The following TMEM223 variants were observed in gnomAD, a reference collection of about 807,000 sequenced individuals.
TMEM223 encodes transmembrane protein 223.
In TMEM223, 14 loss-of-function variants were observed where a neutral mutation model predicts 14.1. The ratio of observed to expected loss-of-function variants is 0.99; its 90% CI spans 0.66 to 1.55. TMEM223 has a LOEUF of 1.55. Ranked by LOEUF, TMEM223 falls within the 40% of genes most tolerant of loss-of-function variation. TMEM223 has a pLI of 0.00. For synonymous variants in TMEM223, 145 were observed against 120.5 expected, an observed-to-expected ratio of 1.20 and a Z score of -1.33; for missense variants, 346 against 269.9, an observed-to-expected ratio of 1.28 and a Z score of -1.97.
chr11:62,791,266 T>A (rs1234377115), intron 1 of TMEM223, among the ~76,000 whole-genome samples: 1 of 151,954 alleles, frequency 6.6e-6, no homozygotes, highest in South Asian at 2.1e-4. Flanking sequence ...TTTCCCAATT[T>A]TTTTTTTTGA....
rs1350408718 is a variant in TMEM223 at position 62,791,862 on chromosome 11, A to G, written c.133T>C (p.Phe45Leu). ...GCGCAGAACAGCCCGAGGATGGTGA[A>G]GAAGCGGCCCCGATCATGCTCAAAG... ...LLFEHDRGRF[F>L]TILGLFCAGQ... The change falls in exon 1 of 2, where the codon TTC (phenylalanine) becomes CTC (leucine). Residue 45 changes from phenylalanine (F) to leucine (L), a missense_variant. Physicochemically the swap from Phe to Leu is conservative, Grantham distance 22. Coordinates refer to ENST00000307366, the MANE Select transcript of TMEM223 (RefSeq NM_001080501.3). 3 of 1,593,062 alleles carry G rather than the reference A, an allele frequency of 1.9e-6. No homozygotes were observed. The highest frequency in any genetic ancestry group is 1.7e-6 in the Non-Finnish European group (2 of 1,170,558).
downstream of TMEM223, among the ~76,000 whole-genome samples, chr11:62,783,226 T>A (rs1590937173): frequency 1.3e-5 from 2 of 152,188 alleles, no homozygotes; most frequent in East Asian, 3.9e-4. Flanking sequence ...CTCACGCCTG[T>A]AATCCCAGCA....
At chr11:62,771,943 C>G (rs899754333) in exon 3 of TMEM223, 2 of 360,242 alleles carry the variant, frequency 5.6e-6, no homozygotes, top group Non-Finnish European at 1.1e-5. Context: ...GGGTGGGTCT[C>G]CAATCCATGT....
intron 2 of TMEM223, among the ~76,000 whole-genome samples, chr11:62,773,451 T>C (rs1187678896): frequency 6.7e-6 from 1 of 150,136 alleles, no homozygotes; most frequent in Non-Finnish European, 1.5e-5. Context: ...GCCTACAATT[T>C]TTTTTTTTTT....
downstream of TMEM223, among the ~76,000 whole-genome samples, chr11:62,783,512 G>C (rs1273292763): frequency 6.7e-6 from 1 of 149,826 alleles, no homozygotes; most frequent in East Asian, 2.0e-4. Context: ...TGTTGCCACT[G>C]TGATAATATT....
chr11:62,791,700 C>A lies in TMEM223; in HGVS notation c.295G>T (p.Ala99Ser). Residue 99 changes from alanine (A) to serine (S), a missense_variant, in exon 1 of 2, where the codon GCC becomes TCC. By Grantham distance (99) the Ala-to-Ser change is moderately conservative. Coordinates refer to ENST00000307366, the MANE Select transcript of TMEM223 (RefSeq NM_001080501.3). ...LRSALWRYGL[A>S]VGCGAIGALV... The stretch of plus-strand genomic sequence containing the variant: ...TTACCGATGGCGCCGCAGCCGACGG[C>A]CAGACCGTAGCGCCAGAGCGCGGAG... The A allele has an allele frequency of 6.5e-7, 1 of 1,545,072 alleles. No individual in the cohort carries two copies. The highest frequency in any genetic ancestry group is 8.7e-7 in the Non-Finnish European group (1 of 1,144,808).
downstream of TMEM223, chr11:62,789,896 G>C (rs753041288): frequency 3.7e-6 from 6 of 1,613,490 alleles, no homozygotes; most frequent in South Asian, 1.1e-5. Context: ...ACCTCTTCTT[G>C]GGTGAATTTG....
At chr11:62,786,925 G>T, downstream of TMEM223, 1 of 1,489,024 alleles carries the variant, frequency 6.7e-7, no homozygotes, top group Non-Finnish European at 8.9e-7. Flanking sequence ...GCACGGCGAC[G>T]AGAGCCCCCG....
downstream of TMEM223, chr11:62,787,542 C>T: frequency 1.9e-6 from 3 of 1,546,212 alleles, no homozygotes; most frequent in South Asian, 2.4e-5. Context: ...GGCTGCGGGG[C>T]GGGGTCAGGT....
downstream of TMEM223, chr11:62,787,205 G>T: frequency 6.3e-7 from 1 of 1,588,522 alleles, no homozygotes; most frequent in Non-Finnish European, 8.5e-7. Context: ...CCGGCCTCGC[G>T]CTACGTGCAG....
chr11:62,779,978 T>TATATATA (rs1590935179), intron 1 of TMEM223, among the ~76,000 whole-genome samples: 1 of 74,260 alleles, frequency 1.3e-5, no homozygotes, highest in Admixed American at 1.9e-4. Flanking sequence ...ATATATATAT[T>TATATATA]TTTTTTTTTT....
At chr11:62,773,384 G>A (rs2084163695) in intron 2 of TMEM223, among the ~76,000 whole-genome samples, 1 of 151,680 alleles carries the variant, frequency 6.6e-6, no homozygotes, top group Admixed American at 6.6e-5. Flanking sequence ...CTGACCTTGT[G>A]ATCCACCCGC....
downstream of TMEM223, chr11:62,789,701 A>G: frequency 1.3e-6 from 2 of 1,529,100 alleles, no homozygotes; most frequent in Non-Finnish European, 1.8e-6. Flanking sequence ...GGATAGGAGG[A>G]AAAACTGACA....
chr11:62,779,109 C>T lies in TMEM223; in HGVS notation c.315-4444G>A, dbSNP rs1398235654. On this transcript the variant is annotated intron_variant, in intron 1 of 2. Transcript: ENST00000528367. ...GATCTCAGCTCACCGCACCCTCTGC[C>T]TCCCAGGTTCAAGTGATTCTCCTGC... The T allele has an allele frequency of 1.5e-5, 10 of 647,144 alleles. No homozygotes were observed. The Admixed American group carries it at 2.6e-4, about 17-fold the overall frequency. The allele number at this position is 647,144 out of a possible 1,614,324, so 40.1% of individuals were successfully genotyped here. A position where few individuals can be genotyped will look rare whatever the true frequency, so the allele number is the denominator to read the frequency against.
At chr11:62,776,041 A>G (rs1395117420) in intron 1 of TMEM223, 1 of 1,336,192 alleles carries the variant, frequency 7.5e-7, no homozygotes, top group Non-Finnish European at 1.0e-6. Flanking sequence ...GCTCCATACA[A>G]CAGAGACAGT....
chr11:62,775,678 G>A (rs952932404), intron 1 of TMEM223: 27 of 1,401,558 alleles, frequency 1.9e-5, no homozygotes, highest in African/African-American at 2.9e-5. Flanking sequence ...TCCAGAGCAC[G>A]AGCAGCAAGG....
chr11:62,790,420 C>G lies in TMEM223; in HGVS notation c.*203G>C. Reference sequence around the variant, plus strand: ...GTGTGACCCTGGTTGTTACTCCATTCTAAGATTGGCGTTTTTTTTTGTTTT... The same window carrying G: ...GTGTGACCCTGGTTGTTACTCCATTGTAAGATTGGCGTTTTTTTTTGTTTT... On this transcript the variant is annotated 3_prime_UTR_variant, in exon 2 of 2. Coordinates refer to ENST00000307366, the MANE Select transcript of TMEM223 (RefSeq NM_001080501.3). 1.7e-6 allele frequency: 1 copy of G among 592,608 alleles called. No homozygotes were observed. Among genetic ancestry groups the G allele is most frequent in the East Asian group, 2.9e-5 (1 of 34,454 alleles). The allele number at this position is 592,608 out of a possible 1,614,324, so 36.7% of individuals were successfully genotyped here.
intron 1 of TMEM223, chr11:62,775,815 A>C (rs778841881): frequency 1.6e-5 from 25 of 1,612,020 alleles, no homozygotes; most frequent in Non-Finnish European, 2.1e-5. Context: ...CGGTTTGTGG[A>C]GATCCCTCGG....
chr11:62,776,478 G>A, intron 1 of TMEM223: 2 of 1,613,258 alleles, frequency 1.2e-6, no homozygotes, highest in Non-Finnish European at 1.7e-6. Context: ...GAGGTGAGTG[G>A]GGTGCAGGCT....
Sources: gnomAD v4.1 joint callset for allele counts (sites outside exome capture counted in the v4.1 genomes callset) on GRCh38, gnomAD v4.1.1 for gene constraint, MANE v1.5 for transcripts, NCBI Gene and HGNC (gene_info 2026-07-23, HGNC 2026-07-21) for gene names.